SIM1: variants seen among roughly 807,000 people sequenced by gnomAD.
SIM1 encodes SIM bHLH transcription factor 1.
SIM1 carries 18 observed loss-of-function variants against 78.2 expected under a neutral mutation model. The ratio of observed to expected loss-of-function variants is 0.23; its 90% CI spans 0.16 to 0.34. SIM1 has a LOEUF of 0.34. Ranked by LOEUF, SIM1 falls within the 10% of genes least tolerant of loss-of-function variation. The pLI is 1.00. For synonymous variants in SIM1, 417 were observed against 385.2 expected (o/e 1.08, Z -0.97); for missense variants, 939 against 975.1 (o/e 0.96, Z 0.49).
chr6:100,444,222 T>C (rs187661629), intron 9 of SIM1, among the ~76,000 whole-genome samples: 7 of 152,198 alleles, frequency 4.6e-5, no homozygotes, highest in Admixed American at 3.3e-4. Flanking sequence ...CGTAGGTCTT[T>C]ACACAGTATA....
At chr6:100,450,731 C>CACACAG (rs60726943) in intron 3 of SIM1, among the ~76,000 whole-genome samples, 8 of 146,874 alleles carry the variant, frequency 5.4e-5, no homozygotes, top group Non-Finnish European at 1.0e-4. Flanking sequence ...CACACACACA[C>CACACAG]AGTTCTAGGG....
intron 9 of SIM1, among the ~76,000 whole-genome samples, chr6:100,443,537 T>A (rs1433311941): frequency 6.6e-6 from 1 of 152,106 alleles, no homozygotes. Flanking sequence ...CCTACGAAAG[T>A]CTCCTCACAA....
intron 3 of SIM1, among the ~76,000 whole-genome samples, chr6:100,450,581 T>C (rs543419697): frequency 1.3e-5 from 2 of 152,094 alleles, no homozygotes; most frequent in South Asian, 4.2e-4. Flanking sequence ...TCCAGAGTAA[T>C]TGGTGGACAA....
rs148854305 is a variant in SIM1, at chr6:100,428,000, A to G, written c.999-7042T>C. ...TTGCTTATCTCAAATCCAAATGAATAAAAGTTCAAATACTGGTAAATATAT... is the reference window on the plus strand; with the variant it reads ...TTGCTTATCTCAAATCCAAATGAATGAAAGTTCAAATACTGGTAAATATAT... On this transcript the variant is annotated intron_variant, in intron 9 of 11. Coordinates refer to ENST00000369208, the MANE Select transcript of SIM1 (RefSeq NM_005068.3). Among the ~76,000 whole-genome samples, 595 of 152,350 alleles carry G rather than the reference A, an allele frequency of 3.9e-3. 1 individual carries two copies. The highest frequency in any genetic ancestry group is 6.8e-3 in the Middle Eastern group (2 of 294).
chr6:100,462,625 A>T (rs1446229267), intron 2 of SIM1: 1 of 152,172 alleles, frequency 6.6e-6, no homozygotes, highest in East Asian at 1.9e-4. Context: ...AGCCATCTTA[A>T]TTCAATCTTA....
rs1214857229 is a variant in SIM1, at chr6:100,385,277, T to C, written c.*5084A>G. The stretch of plus-strand genomic sequence containing the variant: ...ATTTGAAATATTGGCGATCAGTATC[T>C]TTTCTCACAAATATAATCCTTTTTA... On this transcript the variant is annotated 3_prime_UTR_variant, in exon 12 of 12. Coordinates refer to ENST00000369208, the MANE Select transcript of SIM1 (RefSeq NM_005068.3). 1.3e-5 allele frequency: 2 copies of C among 152,086 alleles called. No individual in the cohort carries two copies. The highest frequency in any genetic ancestry group is 4.8e-5 in the African/African-American group (2 of 41,434). 9.4% of individuals were successfully genotyped at this position (152,086 alleles called of 1,614,324 possible). A position where few individuals can be genotyped will look rare whatever the true frequency, so the allele number is the denominator to read the frequency against.
chr6:100,434,608 G>A (rs1466716884), intron 9 of SIM1, among the ~76,000 whole-genome samples: 2 of 152,184 alleles, frequency 1.3e-5, no homozygotes, highest in Non-Finnish European at 2.9e-5. Flanking sequence ...CAGAACCAGG[G>A]ATTCTACCTT....
At position 100,423,002 on chromosome 6, in the gene SIM1, T is replaced by TA. The variant is rs936304908; in HGVS notation, c.999-2045dup. Reference sequence around the variant, plus strand: ...CATCCACTCAATGCAAGCTTTCTTTTAAAAAAATGTTCTTCTACATAAGCA... The same window carrying TA: ...CATCCACTCAATGCAAGCTTTCTTTTAAAAAAAATGTTCTTCTACATAAGCA... On this transcript the variant is annotated intron_variant, in intron 9 of 11. Coordinates refer to ENST00000369208, the MANE Select transcript of SIM1 (RefSeq NM_005068.3). 2.8e-4 allele frequency among the ~76,000 whole-genome samples: 43 copies of TA among 152,272 alleles called. 1 individual carries two copies. The highest frequency in any genetic ancestry group is 9.4e-4 in the African/African-American group (39 of 41,572).
chr6:100,394,530 T>C (rs1464011204), intron 10 of SIM1, among the ~76,000 whole-genome samples: 1 of 152,118 alleles, frequency 6.6e-6, no homozygotes, highest in Non-Finnish European at 1.5e-5. Flanking sequence ...CTCAGCCTCC[T>C]GAGTAGGTGA....
At chr6:100,458,989 C>T (rs1384911061) in intron 2 of SIM1, among the ~76,000 whole-genome samples, 1 of 152,202 alleles carries the variant, frequency 6.6e-6, no homozygotes, top group Non-Finnish European at 1.5e-5. Context: ...CCTCATTTTC[C>T]TGAGAAATAC....
At chr6:100,456,079 C>T (rs1237463071) in intron 2 of SIM1, among the ~76,000 whole-genome samples, 1 of 152,118 alleles carries the variant, frequency 6.6e-6, no homozygotes, top group Non-Finnish European at 1.5e-5. Flanking sequence ...AAGCTTTTGC[C>T]TTCCCGGAGG....
Position 100,390,370 on chromosome 6 carries a change from G to GTTGGTT in SIM1, c.2286_2291dup (p.Thr763_Asn764insLysThr), listed in dbSNP as rs1562229208. On this transcript the variant is annotated inframe_insertion, in exon 12 of 12. Coordinates refer to ENST00000369208, the MANE Select transcript of SIM1 (RefSeq NM_005068.3). ...ATATTTCAGCAAAACATCAGCTTCCGTTGGTTATTATAACAGATGTTCCCT... is the reference window on the plus strand; with the variant it reads ...ATATTTCAGCAAAACATCAGCTTCCGTTGGTTTTGGTTATTATAACAGATGTTCCCT... 1 of 1,611,194 alleles carries GTTGGTT rather than the reference G, an allele frequency of 6.2e-7. No individual in the cohort carries two copies. Among genetic ancestry groups the GTTGGTT allele is most frequent in the South Asian group, 1.1e-5 (1 of 90,538 alleles).
chr6:100,463,037 T>C (rs983539864), intron 2 of SIM1: 2 of 402,736 alleles, frequency 5.0e-6, no homozygotes, highest in Non-Finnish European at 8.9e-6. Flanking sequence ...ACAAAAGGAC[T>C]GTTGGGCTGC....
Position 100,401,790 on chromosome 6 carries a change from C to T in SIM1, c.1168-7901G>A, listed in dbSNP as rs187569799. On this transcript the variant is annotated intron_variant, in intron 10 of 11. Transcript: ENST00000369208. ...TTTTATAGAATCATTTCAGACAAAGCCCTTTTTTAAACAACATTTTTCTGA... is the reference window on the plus strand; with the variant it reads ...TTTTATAGAATCATTTCAGACAAAGTCCTTTTTTAAACAACATTTTTCTGA... 1.8e-4 allele frequency among the ~76,000 whole-genome samples: 27 copies of T among 152,130 alleles called. No homozygotes were observed. The East Asian group carries it at 4.8e-3, about 27-fold the overall frequency.
At chr6:100,453,433 G>C (rs1772564114) in intron 3 of SIM1, among the ~76,000 whole-genome samples, 1 of 152,030 alleles carries the variant, frequency 6.6e-6, no homozygotes, top group African/African-American at 2.4e-5. Flanking sequence ...CCTGATCTGG[G>C]GTGTTCCAGT....
intron 10 of SIM1, among the ~76,000 whole-genome samples, chr6:100,400,969 T>C (rs1363865968): frequency 6.7e-6 from 1 of 148,384 alleles, no homozygotes. Flanking sequence ...AGATTGCTTT[T>C]TAATTAGAAG....
Position 100,449,794 on chromosome 6 carries a change from C to T in SIM1, c.349-95G>A, listed in dbSNP as rs1030397545. ...CAGGGGATCTGCAGGACCATGAGGA[C>T]AGCAGCCAGAATTCTGGAATTGGCC... On this transcript the variant is annotated intron_variant, in intron 4 of 11. Coordinates refer to ENST00000369208, the MANE Select transcript of SIM1 (RefSeq NM_005068.3). The T allele has an allele frequency of 3.0e-6, 3 of 1,005,274 alleles. No homozygotes were observed. The African/African-American group carries it at 4.7e-5, about 16-fold the overall frequency. 62.3% of individuals were successfully genotyped at this position (1,005,274 alleles called of 1,614,324 possible).
intron 2 of SIM1, among the ~76,000 whole-genome samples, chr6:100,458,967 G>A (rs1207963757): frequency 6.6e-6 from 1 of 152,350 alleles, no homozygotes; most frequent in Admixed American, 6.5e-5. Context: ...TTAGGTGTTA[G>A]CAAGGTACAA....
At chr6:100,447,744 G>C (rs1399104237) in intron 8 of SIM1, among the ~76,000 whole-genome samples, 1 of 152,202 alleles carries the variant, frequency 6.6e-6, no homozygotes, top group African/African-American at 2.4e-5. Flanking sequence ...CTGAGCTCCG[G>C]CGCTCACGAT....
Sources: gnomAD v4.1 joint callset for allele counts (sites outside exome capture counted in the v4.1 genomes callset) on GRCh38, gnomAD v4.1.1 for gene constraint, MANE v1.5 for transcripts, NCBI Gene and HGNC (gene_info 2026-07-23, HGNC 2026-07-21) for gene names.